The following PDZRN3 variants were observed in gnomAD, a reference collection of about 807,000 sequenced individuals.
PDZRN3 encodes E3 ubiquitin-protein ligase PDZRN3.
PDZRN3 carries 38 observed loss-of-function variants against 85.7 expected under a neutral mutation model. The ratio of observed to expected loss-of-function variants is 0.44; its 90% CI spans 0.34 to 0.58. The LOEUF (loss-of-function observed/expected upper bound fraction) is 0.58. Ranked by LOEUF, PDZRN3 falls within the 20% of genes least tolerant of loss-of-function variation. The pLI, the probability that PDZRN3 is intolerant of heterozygous loss-of-function variation, is 0.01. For missense variants in PDZRN3, 1,629 were observed against 1,506.4 expected (o/e 1.08, Z -1.35); for synonymous variants, 759 against 638.0 (o/e 1.19, Z -2.86).
intron 3 of PDZRN3, among the ~76,000 whole-genome samples, chr3:73,503,883 T>G (rs988727557): frequency 1.3e-5 from 2 of 151,674 alleles, no homozygotes; most frequent in Non-Finnish European, 2.9e-5. Flanking sequence ...AAAGCAAGAG[T>G]GGGGAGGGGG....
At chr3:73,454,115 C>T (rs748451261) in intron 3 of PDZRN3, among the ~76,000 whole-genome samples, 1 of 152,108 alleles carries the variant, frequency 6.6e-6, no homozygotes, top group Non-Finnish European at 1.5e-5. Context: ...ATTTTAAGAC[C>T]AGCTTAAAAA....
intron 3 of PDZRN3, 77 bp downstream of exon 3, chr3:73,602,277 C>G (rs1408822838): frequency 4.9e-6 from 4 of 808,556 alleles, no homozygotes; most frequent in Non-Finnish European, 6.4e-6. Context: ...CCTCCCCAGT[C>G]AAACATCTTG....
At chr3:73,441,645 G>A (rs1291489273) in intron 3 of PDZRN3, among the ~76,000 whole-genome samples, 2 of 152,116 alleles carry the variant, frequency 1.3e-5, no homozygotes, top group Non-Finnish European at 2.9e-5. Flanking sequence ...TTGCCCAAGA[G>A]CACACAGCCT....
chr3:73,488,473 TG>T (rs1703707086), intron 3 of PDZRN3, among the ~76,000 whole-genome samples: 2 of 152,194 alleles, frequency 1.3e-5, no homozygotes, highest in African/African-American at 4.8e-5. Context: ...CCCTGCTGCC[TG>T]GAACAATCTT....
intron 1 of PDZRN3, among the ~76,000 whole-genome samples, chr3:73,613,797 TG>T (rs1220895445): frequency 1.1e-4 from 16 of 152,218 alleles, no homozygotes; most frequent in Admixed American, 6.5e-4. Context: ...TCTGTTTCCT[TG>T]GGCTTGGCAG....
At chr3:73,545,841 AG>A (rs1217285557) in intron 3 of PDZRN3, among the ~76,000 whole-genome samples, 12 of 152,070 alleles carry the variant, frequency 7.9e-5, no homozygotes, top group Admixed American at 6.5e-4. Context: ...CCACATTAGA[AG>A]GGTTGTTCTG....
chr3:73,492,414 G>A (rs975163723), intron 3 of PDZRN3, among the ~76,000 whole-genome samples: 1 of 152,086 alleles, frequency 6.6e-6, no homozygotes, highest in Non-Finnish European at 1.5e-5. Flanking sequence ...TGGCCCTAGG[G>A]GGCATTTGAA....
intron 3 of PDZRN3, among the ~76,000 whole-genome samples, chr3:73,573,832 TAC>T: frequency 6.7e-6 from 1 of 149,206 alleles, no homozygotes; most frequent in Middle Eastern, 3.4e-3. Context: ...CATATACATA[TAC>T]ATATACATAT....
At chr3:73,611,566 G>C (rs1217337447) in intron 1 of PDZRN3, among the ~76,000 whole-genome samples, 1 of 152,160 alleles carries the variant, frequency 6.6e-6, no homozygotes, top group Non-Finnish European at 1.5e-5. Context: ...TTTTAGAGTT[G>C]ATTTACAGTA....
In PDZRN3 at chr3:73,412,440, G is replaced by A. The variant is rs1274985815; in HGVS notation, c.919-8045C>T. On this transcript the variant is annotated intron_variant, in intron 3 of 9. Transcript: ENST00000263666. ...ATCAATGGAATTGTTATCACACGGA[G>A]TTAAAAAGAGCGTTTAATGGTGTTT... Among the ~76,000 whole-genome samples, 6 of 152,230 alleles carry A rather than the reference G, an allele frequency of 3.9e-5. No individual in the cohort carries two copies. The South Asian group carries it at 1.0e-3, about 26-fold the overall frequency.
chr3:73,559,617 C>T (rs190216163), intron 3 of PDZRN3, among the ~76,000 whole-genome samples: 4 of 152,262 alleles, frequency 2.6e-5, no homozygotes, highest in Admixed American at 2.6e-4. Context: ...CACATCAAGG[C>T]CACCTTCTAG....
intron 3 of PDZRN3, among the ~76,000 whole-genome samples, chr3:73,571,373 A>G (rs764969454): frequency 6.6e-6 from 1 of 152,060 alleles, no homozygotes; most frequent in African/African-American, 2.4e-5. Flanking sequence ...TCAAAAACAG[A>G]TAGCGTCAAC....
At chr3:73,426,806 G>C (rs558409216) in intron 3 of PDZRN3, among the ~76,000 whole-genome samples, 3 of 152,196 alleles carry the variant, frequency 2.0e-5, no homozygotes, top group Non-Finnish European at 4.4e-5. Context: ...GCCTGAGAAA[G>C]TGCATTTCTA....
At position 73,612,115 on chromosome 3, in the gene PDZRN3, A is replaced by G. The variant is rs190005544; in HGVS notation, c.724-3431T>C. On this transcript the variant is annotated intron_variant, in intron 1 of 9. Coordinates refer to ENST00000263666, the MANE Select transcript of PDZRN3 (RefSeq NM_015009.3). ...CCATGATTTGCAATGGTCTCAAAAC[A>G]TAGTAAAACAAAGAGAGAAATGAGC... 3.1e-3 allele frequency among the ~76,000 whole-genome samples: 470 copies of G among 152,322 alleles called. 4 individuals carry two copies. Among genetic ancestry groups the G allele is most frequent in the Middle Eastern group, 0.024 (7 of 294 alleles).
At chr3:73,470,684 A>T (rs1196019690) in intron 3 of PDZRN3, among the ~76,000 whole-genome samples, 1 of 152,212 alleles carries the variant, frequency 6.6e-6, no homozygotes, top group East Asian at 1.9e-4. Context: ...CATACAGAGA[A>T]GCCAGCCACA....
chr3:73,489,666 C>T (rs1258802752), intron 3 of PDZRN3, among the ~76,000 whole-genome samples: 4 of 148,356 alleles, frequency 2.7e-5, no homozygotes, highest in South Asian at 4.4e-4. Context: ...TCCGCCTCTT[C>T]GGTTCAAGCG....
chr3:73,509,299 A>T (rs988672663), intron 3 of PDZRN3, among the ~76,000 whole-genome samples: 6 of 152,212 alleles, frequency 3.9e-5, no homozygotes, highest in African/African-American at 1.4e-4. Context: ...ACGCTCACTA[A>T]GCATCTACCA....
At chr3:73,547,371 G>A (rs565335372) in intron 3 of PDZRN3, among the ~76,000 whole-genome samples, 27 of 152,354 alleles carry the variant, frequency 1.8e-4, no homozygotes, top group Non-Finnish European at 3.5e-4. Context: ...ATACCACCAT[G>A]AAACCTGGTA....
At chr3:73,505,500 A>T (rs1016700829) in intron 3 of PDZRN3, among the ~76,000 whole-genome samples, 1 of 152,228 alleles carries the variant, frequency 6.6e-6, no homozygotes, top group Non-Finnish European at 1.5e-5. Flanking sequence ...ATTAAAAAAA[A>T]CATTTTATTT....
Sources: gnomAD v4.1 joint callset for allele counts (sites outside exome capture counted in the v4.1 genomes callset) on GRCh38, gnomAD v4.1.1 for gene constraint, MANE v1.5 for transcripts, NCBI Gene and HGNC (gene_info 2026-07-23, HGNC 2026-07-21) for gene names.